Variants in DGKB observed in about 807,000 individuals in gnomAD.
DGKB encodes diacylglycerol kinase beta, also known as 90 kDa diacylglycerol kinase.
Under a neutral mutation model 114.3 loss-of-function variants are expected in DGKB, and 67 were observed. That is an observed-to-expected ratio of 0.59 (90% confidence interval 0.48 to 0.72). The LOEUF is 0.72. Ranked by LOEUF, DGKB falls within the 30% of genes least tolerant of loss-of-function variation. The pLI, the probability that DGKB is intolerant of heterozygous loss-of-function variation, is 0.00. For missense variants in DGKB, 907 were observed against 975.2 expected, an observed-to-expected ratio of 0.93 and a Z score of 0.93; for synonymous variants, 398 against 323.1, an observed-to-expected ratio of 1.23 and a Z score of -2.49.
At chr7:14,894,387 C>G (rs1407915127) in intron 1 of DGKB, among the ~76,000 whole-genome samples, 2 of 151,388 alleles carry the variant, frequency 1.3e-5, no homozygotes, top group African/African-American at 2.4e-5. Flanking sequence ...GATCAGGATG[C>G]TCCATGGTGA....
At chr7:14,222,955 A>G (rs931148722) in intron 23 of DGKB, among the ~76,000 whole-genome samples, 1 of 151,542 alleles carries the variant, frequency 6.6e-6, no homozygotes, top group Non-Finnish European at 1.5e-5. Context: ...AACCACTCCA[A>G]CTTTCTTGTG....
chr7:14,177,897 A>T, intron 24 of DGKB, 134 bp downstream of exon 24: 1 of 900,134 alleles, frequency 1.1e-6, no homozygotes, highest in South Asian at 2.4e-5. Context: ...CATTATTTTG[A>T]AATATATTAG....
chr7:14,427,210 C>G (rs533639076), intron 21 of DGKB, among the ~76,000 whole-genome samples: 1 of 152,072 alleles, frequency 6.6e-6, no homozygotes, highest in Non-Finnish European at 1.5e-5. Context: ...ACGTATGTAA[C>G]AAACCTGTAC....
intron 20 of DGKB, among the ~76,000 whole-genome samples, chr7:14,560,069 T>A (rs1002245967): frequency 4.4e-4 from 67 of 152,164 alleles, no homozygotes; most frequent in African/African-American, 1.6e-3. Flanking sequence ...TTAGATTTTT[T>A]TTTTACTGTT....
intron 21 of DGKB, among the ~76,000 whole-genome samples, chr7:14,470,503 T>C (rs374391317): frequency 8.1e-4 from 123 of 152,020 alleles, no homozygotes; most frequent in African/African-American, 2.7e-3. Context: ...CTGTTTTTAA[T>C]AGATTGTGAA....
intron 20 of DGKB, among the ~76,000 whole-genome samples, chr7:14,479,927 A>G (rs1782738131): frequency 6.6e-6 from 1 of 152,080 alleles, no homozygotes; most frequent in South Asian, 2.1e-4. Context: ...ATCAAACACT[A>G]AGAATGAATA....
At chr7:14,639,675 A>G (rs1811378507) in intron 13 of DGKB, among the ~76,000 whole-genome samples, 1 of 152,224 alleles carries the variant, frequency 6.6e-6, no homozygotes, top group Non-Finnish European at 1.5e-5. Context: ...CCAAGGCTAA[A>G]CTATCACTAT....
At chr7:14,624,047 T>C (rs949074889) in intron 14 of DGKB, among the ~76,000 whole-genome samples, 6 of 152,234 alleles carry the variant, frequency 3.9e-5, no homozygotes, top group South Asian at 2.1e-4. Flanking sequence ...CTATGAATGA[T>C]GTAAAATAGT....
chr7:14,541,049 C>T (rs1793350731), intron 20 of DGKB, among the ~76,000 whole-genome samples: 1 of 151,990 alleles, frequency 6.6e-6, no homozygotes, highest in African/African-American at 2.4e-5. Flanking sequence ...CACAATGATC[C>T]ACTAGTAGCA....
chr7:14,171,403 T>A (rs1009402996), intron 25 of DGKB, among the ~76,000 whole-genome samples: 2 of 152,176 alleles, frequency 1.3e-5, no homozygotes, highest in South Asian at 4.1e-4. Flanking sequence ...CAGAGTAATT[T>A]TGCATTAAAA....
chr7:14,215,014 G>A (rs1788725609), intron 23 of DGKB, among the ~76,000 whole-genome samples: 1 of 152,074 alleles, frequency 6.6e-6, no homozygotes, highest in African/African-American at 2.4e-5. Context: ...GAAAGTCCAA[G>A]AAGTTCATGC....
At chr7:14,920,445 G>C (rs1488680589) in intron 1 of DGKB, among the ~76,000 whole-genome samples, 1 of 152,074 alleles carries the variant, frequency 6.6e-6, no homozygotes, top group Admixed American at 6.6e-5. Context: ...AGAACAATAA[G>C]GTGCCATGAT....
intron 23 of DGKB, among the ~76,000 whole-genome samples, chr7:14,315,181 C>A (rs1489510341): frequency 2.1e-5 from 3 of 141,154 alleles, no homozygotes; most frequent in Non-Finnish European, 4.7e-5. Flanking sequence ...CAAAATCATG[C>A]CAAAATGTAA....
intron 20 of DGKB, among the ~76,000 whole-genome samples, chr7:14,499,502 G>C (rs980410097): frequency 6.6e-6 from 1 of 151,686 alleles, no homozygotes; most frequent in African/African-American, 2.4e-5. Flanking sequence ...CTCCCTTCTG[G>C]CTTAAGTCTT....
chr7:14,666,186 G>A (rs141912113), intron 13 of DGKB, among the ~76,000 whole-genome samples: 206 of 152,100 alleles, frequency 1.4e-3, no homozygotes, highest in African/African-American at 4.7e-3. Flanking sequence ...AAACAGAACT[G>A]AGAAGAACTT....
intron 6 of DGKB, among the ~76,000 whole-genome samples, chr7:14,717,725 A>T (rs764090736): frequency 2.0e-5 from 3 of 152,148 alleles, no homozygotes; most frequent in African/African-American, 7.2e-5. Context: ...TCATTCTAGT[A>T]GCAAGCATTT....
chr7:14,393,682 C>T (rs895585401), intron 21 of DGKB, among the ~76,000 whole-genome samples: 2 of 152,148 alleles, frequency 1.3e-5, no homozygotes, highest in African/African-American at 2.4e-5. Flanking sequence ...CCTTTATCTT[C>T]TCTTCCTTCA....
intron 23 of DGKB, among the ~76,000 whole-genome samples, chr7:14,319,828 G>T (rs190980542): frequency 1.4e-3 from 211 of 152,286 alleles, no homozygotes; most frequent in African/African-American, 4.8e-3. Flanking sequence ...TATACTTACA[G>T]CACTAAGAAA....
chr7:14,478,099 T>C, intron 21 of DGKB, 62 bp downstream of exon 21: 2 of 1,124,106 alleles, frequency 1.8e-6, no homozygotes, highest in South Asian at 2.7e-5. Flanking sequence ...TACCATCTAG[T>C]GATCTTTTTA....
Sources: allele counts gnomAD v4.1 joint callset (sites outside exome capture counted in the v4.1 genomes callset), GRCh38; gene constraint gnomAD v4.1.1; transcripts MANE v1.5; gene names NCBI Gene and HGNC (gene_info 2026-07-23, HGNC 2026-07-21).